CDNF: variants seen among roughly 807,000 people sequenced by gnomAD.
CDNF encodes ARMET-like protein 1.
In CDNF, 9 loss-of-function variants were observed where a neutral mutation model predicts 14.8. That is an observed-to-expected ratio of 0.61 (90% CI 0.37 to 1.06). CDNF has a LOEUF of 1.06. Ranked by LOEUF, CDNF falls within the 50% of genes least tolerant of loss-of-function variation. CDNF has a pLI of 0.01. For missense variants in CDNF, 228 were observed against 228.4 expected (o/e 1.00, Z 0.01); for synonymous variants, 86 against 87.2 (o/e 0.99, Z 0.07).
At chr10:14,829,011 T>C (rs1050369382) in intron 1 of CDNF, among the ~76,000 whole-genome samples, 11 of 151,948 alleles carry the variant, frequency 7.2e-5, no homozygotes, top group African/African-American at 2.7e-4. Context: ...GGTGACAGAG[T>C]GAGACCCTGT....
rs2131620234 is a variant in CDNF at position 14,820,050 on chromosome 10, G to T, written c.494C>A (p.Thr165Asn). Residue 165 changes from threonine (T) to asparagine (N), a missense_variant, in exon 4 of 4, where the codon ACT becomes AAT. By Grantham distance (65) the Thr-to-Asn change is moderately conservative. Coordinates refer to ENST00000465530, the MANE Select transcript of CDNF (RefSeq NM_001029954.3). ...CTCTTGAATGAGATTCACATAGTCA[G>T]TTTTTTCTGCACAGGCCCTGCACTC... is the stretch of plus-strand genomic sequence containing the variant. ...GEECRACAEK[T>N]DYVNLIQELA... 1 of 1,614,104 alleles carries T rather than the reference G, an allele frequency of 6.2e-7. No homozygotes were observed. Among genetic ancestry groups the T allele is most frequent in the East Asian group, 2.2e-5 (1 of 44,874 alleles).
At chr10:14,821,444 C>G (rs79925145) in intron 3 of CDNF, among the ~76,000 whole-genome samples, 1 of 152,084 alleles carries the variant, frequency 6.6e-6, no homozygotes, top group African/African-American at 2.4e-5. Context: ...TACAGCAATG[C>G]GGGAACAGAC....
intron 3 of CDNF, among the ~76,000 whole-genome samples, chr10:14,825,056 C>G (rs1201603148): frequency 2.0e-5 from 3 of 151,814 alleles, no homozygotes; most frequent in Admixed American, 6.6e-5. Flanking sequence ...CGGGTTCAAG[C>G]GATTCTCCTG....
chr10:14,820,267 T>C (rs1833726997), intron 3 of CDNF, 109 bp from the exon 4 acceptor site: 5 of 1,067,650 alleles, frequency 4.7e-6, no homozygotes, highest in Non-Finnish European at 6.7e-6. Context: ...GACTACCCTA[T>C]GATCCAAGGC....
chr10:14,824,605 C>CAAAA (rs572648812), intron 3 of CDNF, among the ~76,000 whole-genome samples: 1 of 64,650 alleles, frequency 1.5e-5, no homozygotes, highest in Admixed American at 1.6e-4. Context: ...GACTTCCCCT[C>CAAAA]AAAAAAAAAA....
intron 1 of CDNF, among the ~76,000 whole-genome samples, chr10:14,830,914 T>C (rs777150126): frequency 1.6e-4 from 24 of 152,198 alleles, no homozygotes; most frequent in Non-Finnish European, 1.9e-4. Context: ...TATGATCTAC[T>C]TAAAATCACT....
Position 14,819,513 on chromosome 10 carries a change from T to C in CDNF, c.*467A>G, listed in dbSNP as rs1045632084. 3 of 152,914 alleles carry C rather than the reference T, an allele frequency of 2.0e-5. No homozygotes were observed. The highest frequency in any genetic ancestry group is 1.3e-4 in the Admixed American group (2 of 15,308). The allele number at this position is 152,914 out of a possible 1,614,324, so 9.5% of individuals were successfully genotyped here. On this transcript the variant is annotated 3_prime_UTR_variant, in exon 4 of 4. Coordinates refer to ENST00000465530, the MANE Select transcript of CDNF (RefSeq NM_001029954.3). ...TCTGATACCAAAGAGAGCTACAATA[T>C]AGAGTGAAAACAGAAAATTCACTTG...
chr10:14,826,397 A>AGCAGC (rs1833794413), intron 2 of CDNF, among the ~76,000 whole-genome samples: 1 of 151,384 alleles, frequency 6.6e-6, no homozygotes, highest in African/African-American at 2.4e-5. Context: ...GAAGCAGAAG[A>AGCAGC]AGCAGCAGCA....
rs538582773 is a variant in CDNF at position 14,825,538 on chromosome 10, G to A, written c.326C>T (p.Ala109Val). The change falls in exon 3 of 4, where the codon GCA becomes GTA. Residue 109 changes from alanine to valine, a missense_variant. Physicochemically the swap from Ala to Val is moderately conservative, Grantham distance 64 (BLOSUM62 0). Transcript: ENST00000465530. The part of the protein sequence containing the change: ...VTRPMSVHMP[A>V]MKICEKLKKL... ...CTTCAGCTTCTCACAAATCTTCATTGCAGGCATATGCACACTCATTGGGCG... is the reference window on the plus strand; with the variant it reads ...CTTCAGCTTCTCACAAATCTTCATTACAGGCATATGCACACTCATTGGGCG... 1 of 1,614,036 alleles carries A rather than the reference G, an allele frequency of 6.2e-7. No individual in the cohort carries two copies. The highest frequency in any genetic ancestry group is 1.1e-5 in the South Asian group (1 of 91,082).
chr10:14,822,912 T>G (rs1833749516), intron 3 of CDNF, among the ~76,000 whole-genome samples: 1 of 152,218 alleles, frequency 6.6e-6, no homozygotes, highest in Admixed American at 6.5e-5. Flanking sequence ...CCTATCCTTT[T>G]TAAACACAAA....
At chr10:14,829,619 G>GT (rs201102760) in intron 1 of CDNF, among the ~76,000 whole-genome samples, 10,044 of 151,874 alleles carry the variant, frequency 0.066, 479 homozygotes, top group South Asian at 0.23. Flanking sequence ...AGTCTTCAGA[G>GT]TTTTTTTTGT....
chr10:14,832,253 A>T (rs951251230), intron 1 of CDNF, among the ~76,000 whole-genome samples: 1 of 152,222 alleles, frequency 6.6e-6, no homozygotes, highest in Non-Finnish European at 1.5e-5. Flanking sequence ...AAGGAACAGC[A>T]AGTACCAAGG....
At chr10:14,829,260 C>A (rs766924499) in intron 1 of CDNF, among the ~76,000 whole-genome samples, 1 of 152,182 alleles carries the variant, frequency 6.6e-6, no homozygotes, top group African/African-American at 2.4e-5. Context: ...GAATAAGAAT[C>A]CTGAATGAAG....
In CDNF at chr10:14,819,782, G is replaced by T. The variant is rs574469242; in HGVS notation, c.*198C>A. The T allele has an allele frequency of 6.1e-6, 3 of 493,732 alleles. No individual in the cohort carries two copies. The highest frequency in any genetic ancestry group is 5.9e-5 in the African/African-American group (3 of 50,754). The allele number at this position is 493,732 out of a possible 1,614,324, so 30.6% of individuals were successfully genotyped here. ...ATGAGAAAGGAACTTTTAGCTTTTGGTACACTGCAAATGTAAGTTATCAGT... is the reference window on the plus strand; with the variant it reads ...ATGAGAAAGGAACTTTTAGCTTTTGTTACACTGCAAATGTAAGTTATCAGT... On this transcript the variant is annotated 3_prime_UTR_variant, in exon 4 of 4. Coordinates refer to ENST00000465530, the MANE Select transcript of CDNF (RefSeq NM_001029954.3).
chr10:14,826,014 C>CAGAAGCAGAAGAAGGAGAAGGAGAAGG lies in CDNF; in HGVS notation c.244-395_244-394insCCTTCTCCTTCTCCTTCTTCTGCTTCT, dbSNP rs1358454554. ...GAAGAAGCAGCAGAAGAAGCAGAAG[C>CAGAAGCAGAAGAAGGAGAAGGAGAAGG]AGAAGAAGAAGAAGGAGAAGAAGAA... On this transcript the variant is annotated intron_variant, in intron 2 of 3. Coordinates refer to ENST00000465530, the MANE Select transcript of CDNF (RefSeq NM_001029954.3). Among the ~76,000 whole-genome samples, 17 of 92,768 alleles carry CAGAAGCAGAAGAAGGAGAAGGAGAAGG rather than the reference C, an allele frequency of 1.8e-4. 2 individuals carry two copies. The highest frequency in any genetic ancestry group is 8.6e-4 in the African/African-American group (16 of 18,558). 60.9% of individuals were successfully genotyped at this position (92,768 alleles called of 152,430 possible).
At chr10:14,829,619 GTTT>G (rs201102760) in intron 1 of CDNF, among the ~76,000 whole-genome samples, 1 of 151,896 alleles carries the variant, frequency 6.6e-6, no homozygotes, top group African/African-American at 2.4e-5. Flanking sequence ...AGTCTTCAGA[GTTT>G]TTTTTGTTTG....
chr10:14,832,627 G>A (rs1342091332), intron 1 of CDNF, among the ~76,000 whole-genome samples: 1 of 152,192 alleles, frequency 6.6e-6, no homozygotes, highest in Non-Finnish European at 1.5e-5. Context: ...CAGCAGTCAT[G>A]AGAAGTGGTT....
chr10:14,826,071 AAGAAGAAGAAGAAGAAGAAGAAGAAGC>A (rs1564313369), intron 2 of CDNF, among the ~76,000 whole-genome samples: 10 of 140,610 alleles, frequency 7.1e-5, no homozygotes, highest in East Asian at 2.0e-4. Flanking sequence ...GAAGAAGAAG[AAGAAGAAGAAGAAGAAGAAGAAGAAGC>A]AGCAGCAGCA....
chr10:14,828,295 T>C, intron 1 of CDNF, 23 bp from the exon 2 acceptor site: 1 of 1,611,798 alleles, frequency 6.2e-7, no homozygotes, highest in Middle Eastern at 1.7e-4. Flanking sequence ...AATAAATATG[T>C]CTGCATGCAC....
Sources: allele counts gnomAD v4.1 joint callset (sites outside exome capture counted in the v4.1 genomes callset), GRCh38; gene constraint gnomAD v4.1.1; transcripts MANE v1.5; gene names NCBI Gene and HGNC (gene_info 2026-07-23, HGNC 2026-07-21).